The following PDS5A variants were observed in gnomAD, a reference collection of about 807,000 sequenced individuals.
PDS5A encodes PDS5 cohesin associated factor A.
Under a neutral mutation model 167.1 loss-of-function variants are expected in PDS5A, and 42 were observed. The ratio of observed to expected loss-of-function variants is 0.25; its 90% CI spans 0.20 to 0.33. PDS5A has a LOEUF of 0.33. PDS5A is among the 10% of genes least tolerant of loss of function. PDS5A has a pLI of 1.00. For missense variants in PDS5A, 1,033 were observed against 1,605.9 expected, an observed-to-expected ratio of 0.64 and a Z score of 6.10; for synonymous variants, 553 against 554.6, an observed-to-expected ratio of 1.00 and a Z score of 0.04.
chr4:39,890,243 G>T lies in PDS5A; in HGVS notation c.1886+6C>A. Reference sequence around the variant, plus strand: ...TATTTTTGAGCGAATATACTTCTTGGCTTACCTTATGGCTTCTGAATCAAT... The same window carrying T: ...TATTTTTGAGCGAATATACTTCTTGTCTTACCTTATGGCTTCTGAATCAAT... On this transcript the variant is annotated splice_donor_region_variant and intron_variant, in intron 17 of 32. Transcript: ENST00000303538. 7.0e-7 allele frequency: 1 copy of T among 1,419,272 alleles called. No individual in the cohort carries two copies. The highest frequency in any genetic ancestry group is 9.7e-7 in the Non-Finnish European group (1 of 1,027,130). 87.9% of individuals were successfully genotyped at this position (1,419,272 alleles called of 1,614,324 possible). A position where few individuals can be genotyped will look rare whatever the true frequency, so the allele number is the denominator to read the frequency against.
At chr4:39,826,085 G>A (rs1715279365) in intron 32 of PDS5A, among the ~76,000 whole-genome samples, 1 of 152,020 alleles carries the variant, frequency 6.6e-6, no homozygotes, top group Middle Eastern at 3.4e-3. Flanking sequence ...ATCATACTAT[G>A]GCAAAATGAA....
In PDS5A at chr4:39,967,058, G is replaced by C. The variant is rs990908844; in HGVS notation, c.138+9382C>G. 2.7e-5 allele frequency among the ~76,000 whole-genome samples: 4 copies of C among 149,760 alleles called. No individual in the cohort carries two copies. In the East Asian group the frequency reaches 8.0e-4, roughly 30 times the overall value. The stretch of plus-strand genomic sequence containing the variant: ...GGTGGCTCACGCCTGTAATCCCAGC[G>C]CTTTGGGAGGCCGAGGTGGGTGGAT... On this transcript the variant is annotated intron_variant, in intron 2 of 32. Coordinates refer to ENST00000303538, the MANE Select transcript of PDS5A (RefSeq NM_001100399.2).
rs138150411 is a variant in PDS5A, at chr4:39,955,576, G to A, written c.138+20864C>T. The stretch of plus-strand genomic sequence containing the variant: ...AGATCATGCTACTGTGCTCCAGCCC[G>A]GGTGACAGAGCGAGACTCTGTCATA... On this transcript the variant is annotated intron_variant, in intron 2 of 32. Transcript: ENST00000303538. Among the ~76,000 whole-genome samples the A allele has an allele frequency of 3.3e-3, 505 of 151,904 alleles. 3 individuals carry two copies. The highest frequency in any genetic ancestry group is 0.011 in the African/African-American group (442 of 41,448).
intron 29 of PDS5A, among the ~76,000 whole-genome samples, chr4:39,845,406 T>C (rs577751630): frequency 6.6e-6 from 1 of 152,330 alleles, no homozygotes; most frequent in African/African-American, 2.4e-5. Flanking sequence ...GATATATATA[T>C]AGTAATAGTT....
At chr4:39,826,950 G>A (rs1303366112) in intron 32 of PDS5A, among the ~76,000 whole-genome samples, 1 of 152,026 alleles carries the variant, frequency 6.6e-6, no homozygotes, top group Admixed American at 6.5e-5. Flanking sequence ...AATTCATACA[G>A]AGACTATTAA....
At chr4:39,836,984 A>G (rs1405993886) in intron 32 of PDS5A, 1 of 94,972 alleles carries the variant, frequency 1.1e-5, no homozygotes, top group Admixed American at 1.2e-4. Context: ...AACTTTTTGC[A>G]TTTCCTTTTT....
chr4:39,954,439 C>G (rs1728717391), intron 2 of PDS5A, among the ~76,000 whole-genome samples: 1 of 151,920 alleles, frequency 6.6e-6, no homozygotes, highest in African/African-American at 2.4e-5. Flanking sequence ...CTGCCTCGGC[C>G]TCCTGAGTAG....
intron 17 of PDS5A, among the ~76,000 whole-genome samples, chr4:39,881,820 A>T (rs529847557): frequency 1.3e-5 from 2 of 152,342 alleles, no homozygotes; most frequent in East Asian, 1.9e-4. Context: ...TCCCCACTCA[A>T]ATCTCACTTT....
At chr4:39,940,103 C>T (rs1727083481) in intron 2 of PDS5A, among the ~76,000 whole-genome samples, 1 of 151,896 alleles carries the variant, frequency 6.6e-6, no homozygotes, top group South Asian at 2.1e-4. Flanking sequence ...ACTAAAAATA[C>T]AAAATTTAGC....
intron 2 of PDS5A, among the ~76,000 whole-genome samples, chr4:39,964,950 T>A (rs28633100): frequency 0.054 from 8,243 of 151,730 alleles, 346 homozygotes; most frequent in East Asian, 0.23. Context: ...CAAAAAATAA[T>A]AATAATAATA....
intron 32 of PDS5A, chr4:39,837,006 T>TTTTTTTTGTA (rs1716486584): frequency 2.1e-5 from 3 of 141,254 alleles, no homozygotes; most frequent in Admixed American, 7.1e-5. Context: ...TTTTTTTTTT[T>TTTTTTTTGTA]TTTTTAGTAG....
chr4:39,835,543 G>A (rs1716307411), intron 32 of PDS5A, among the ~76,000 whole-genome samples: 1 of 152,086 alleles, frequency 6.6e-6, no homozygotes, highest in African/African-American at 2.4e-5. Flanking sequence ...GTTTTTTTGA[G>A]ACAGAGTATC....
intron 17 of PDS5A, among the ~76,000 whole-genome samples, chr4:39,880,317 T>C (rs181122516): frequency 5.9e-5 from 9 of 152,154 alleles, no homozygotes; most frequent in Non-Finnish European, 1.3e-4. Flanking sequence ...GGAAGCATCA[T>C]GCTGTATTTA....
rs758207704 is a variant in PDS5A, at chr4:39,976,619, TATCGGTCAGAA to T, written c.-40-13_-40-3del. 2 of 1,537,326 alleles carry T rather than the reference TATCGGTCAGAA, an allele frequency of 1.3e-6. No individual in the cohort carries two copies. The highest frequency in any genetic ancestry group is 1.8e-6 in the Non-Finnish European group (2 of 1,129,216). ...TGGTTCACAGTCCTCTACCGGCCTC[TATCGGTCAGAA>T]AACCAAAGTTCAGCGGGAAAGGGGC... On this transcript the variant is annotated splice_polypyrimidine_tract_variant and splice_region_variant and intron_variant, in intron 1 of 32. Transcript: ENST00000303538.
intron 32 of PDS5A, among the ~76,000 whole-genome samples, chr4:39,828,038 G>A (rs911468190): frequency 5.9e-5 from 9 of 152,118 alleles, no homozygotes; most frequent in African/African-American, 2.2e-4. Context: ...TCCTTCATCC[G>A]AAACTCAGAG....
Position 39,913,862 on chromosome 4 carries a change from CA to C in PDS5A, c.877-137del, listed in dbSNP as rs1724112106. ...AGAAGTTTAAAATATCATATGTCCT[CA>C]CTTACTATGCAGAAATTGATTTAAT... On this transcript the variant is annotated intron_variant, in intron 8 of 32. Coordinates refer to ENST00000303538, the MANE Select transcript of PDS5A (RefSeq NM_001100399.2). The C allele has an allele frequency of 1.5e-5, 9 of 617,218 alleles. No homozygotes were observed. The South Asian group carries it at 1.7e-4, about 12-fold the overall frequency. The allele number at this position is 617,218 out of a possible 1,614,324, so 38.2% of individuals were successfully genotyped here.
At chr4:39,864,745 C>T (rs1719283114) in intron 23 of PDS5A, among the ~76,000 whole-genome samples, 1 of 152,190 alleles carries the variant, frequency 6.6e-6, no homozygotes, top group Non-Finnish European at 1.5e-5. Flanking sequence ...TGAGTGCTTA[C>T]TCCGTGCCAG....
chr4:39,842,572 G>A (rs989929107), intron 30 of PDS5A, among the ~76,000 whole-genome samples: 1 of 152,010 alleles, frequency 6.6e-6, no homozygotes, highest in African/African-American at 2.4e-5. Flanking sequence ...CATTGGTTGA[G>A]TTTATTCTTA....
chr4:39,873,015 TA>T lies in PDS5A; in HGVS notation c.2406del (p.Phe802LeufsTer3). 1 of 1,520,026 alleles carries T rather than the reference TA, an allele frequency of 6.6e-7. No individual in the cohort carries two copies. Among genetic ancestry groups the T allele is most frequent in the Non-Finnish European group, 8.9e-7 (1 of 1,118,142 alleles). The allele number at this position is 1,520,026 out of a possible 1,614,324, so 94.2% of individuals were successfully genotyped here. On this transcript the variant is annotated frameshift_variant, in exon 21 of 33. Coordinates refer to ENST00000303538, the MANE Select transcript of PDS5A (RefSeq NM_001100399.2). LOFTEE classifies it high-confidence loss of function. ...TCATTCATTAGCAGATCTTTCACAA[TA>T]AAATTTGCTACTACAGATTTCATTG... is the stretch of plus-strand genomic sequence containing the variant. ...ASPMKSVVAN[F>X]IVKDLLMNDR...
Sources: gnomAD v4.1 joint callset for allele counts (sites outside exome capture counted in the v4.1 genomes callset) on GRCh38, gnomAD v4.1.1 for gene constraint, MANE v1.5 for transcripts, NCBI Gene and HGNC (gene_info 2026-07-23, HGNC 2026-07-21) for gene names.